Variants in KBTBD3 observed in about 807,000 individuals in gnomAD.
The protein encoded by KBTBD3 is kelch repeat and BTB domain-containing protein 3.
KBTBD3 carries 38 observed loss-of-function variants against 49.6 expected under a neutral mutation model. That is an observed-to-expected ratio of 0.77 (90% CI 0.59 to 1.00). The LOEUF (loss-of-function observed/expected upper bound fraction) is 1.00, where lower values mean the gene tolerates loss of function less well. Among genes scored for constraint, KBTBD3 ranks in the 50% least tolerant of loss-of-function variants. The pLI, the probability that KBTBD3 is intolerant of heterozygous loss-of-function variation, is 0.00. For missense variants in KBTBD3, 661 were observed against 712.0 expected (o/e 0.93, Z 0.81); for synonymous variants, 214 against 250.4 (o/e 0.85, Z 1.37).
intron 3 of KBTBD3, among the ~76,000 whole-genome samples, chr11:106,055,535 A>G (rs949414807): frequency 6.6e-5 from 10 of 152,210 alleles, no homozygotes; most frequent in Admixed American, 1.3e-4. Flanking sequence ...CAATAGAAAT[A>G]TTAACCTGTG....
At chr11:106,068,043 G>A (rs576160152) in intron 2 of KBTBD3, among the ~76,000 whole-genome samples, 5 of 150,836 alleles carry the variant, frequency 3.3e-5, no homozygotes, top group Admixed American at 6.6e-5. Context: ...ATCCACCACC[G>A]AGAAGACTAG....
At chr11:106,059,142 A>C (rs1860628450) in intron 2 of KBTBD3, 33 bp from the exon 3 acceptor site, 2 of 1,258,370 alleles carry the variant, frequency 1.6e-6, no homozygotes, top group East Asian at 5.4e-5. Flanking sequence ...GATGTAGTAG[A>C]GACCTAATGC....
At chr11:106,061,886 T>A (rs1205520664) in intron 2 of KBTBD3, among the ~76,000 whole-genome samples, 1 of 151,790 alleles carries the variant, frequency 6.6e-6, no homozygotes, top group Non-Finnish European at 1.5e-5. Flanking sequence ...TATATATATA[T>A]CCCTTTAGTT....
chr11:106,058,919 T>A lies in KBTBD3; in HGVS notation c.179A>T (p.Asp60Val). ...ACAACGATGACACGGGATTATTTCA[T>A]CTTTCATAATTATTTTGAAATCATA... ...VFYDFKIIMK[D>V]EIIPCHRCVL... The change falls in exon 3 of 4, where the codon GAT (aspartate) becomes GTT (valine). Residue 60 changes from aspartate to valine, a missense_variant. Asp to Val is a radical substitution (Grantham distance 152, BLOSUM62 -3). Coordinates refer to ENST00000531837, the MANE Select transcript of KBTBD3 (RefSeq NM_198439.3). The A allele has an allele frequency of 1.9e-6, 3 of 1,577,210 alleles. No homozygotes were observed. The highest frequency in any genetic ancestry group is 1.7e-6 in the Non-Finnish European group (2 of 1,168,826).
chr11:106,066,381 T>C lies in KBTBD3; in HGVS notation c.-12-7272A>G, dbSNP rs572475294. Reference sequence around the variant, plus strand: ...CAACACTCATAATAATCCTTTAAGATTGGTATTAATAATTACTTTTTCAAA... The same window carrying C: ...CAACACTCATAATAATCCTTTAAGACTGGTATTAATAATTACTTTTTCAAA... On this transcript the variant is annotated intron_variant, in intron 2 of 3. Coordinates refer to ENST00000531837, the MANE Select transcript of KBTBD3 (RefSeq NM_198439.3). Among the ~76,000 whole-genome samples, 4 of 152,326 alleles carry C rather than the reference T, an allele frequency of 2.6e-5. No homozygotes were observed. In the South Asian group the frequency reaches 6.2e-4, roughly 24 times the overall value.
intron 3 of KBTBD3, chr11:106,058,069 G>A (rs747585989): frequency 5.5e-5 from 22 of 398,180 alleles, no homozygotes; most frequent in Middle Eastern, 1.2e-3. Flanking sequence ...GTTAAAAAAA[G>A]GTAGTCTTAA....
At chr11:106,072,394 G>C (rs1218715884) in intron 2 of KBTBD3, among the ~76,000 whole-genome samples, 1 of 152,104 alleles carries the variant, frequency 6.6e-6, no homozygotes, top group East Asian at 1.9e-4. Context: ...CTTTGCATGA[G>C]TAGAAAAAAT....
chr11:106,060,245 C>A (rs1458558617), intron 2 of KBTBD3, among the ~76,000 whole-genome samples: 3 of 151,446 alleles, frequency 2.0e-5, no homozygotes, highest in Non-Finnish European at 4.4e-5. Context: ...ATTTAATACA[C>A]ATATTCATAT....
chr11:106,053,933 C>G lies in KBTBD3; in HGVS notation c.756G>C (p.Gln252His). ...RLHQLSEETL[Q>H]DCLFNEESLL... The stretch of plus-strand genomic sequence containing the variant: ...AACTCTCTTCATTGAACAGACAGTC[C>G]TGAAGTGTCTCCTCAGATAACTGAT... The change falls in exon 4 of 4, where the codon CAG becomes CAC. Residue 252 changes from glutamine to histidine, a missense_variant. Transcript: ENST00000531837. 6.2e-7 allele frequency: 1 copy of G among 1,613,940 alleles called. No individual in the cohort carries two copies. Among genetic ancestry groups the G allele is most frequent in the Non-Finnish European group, 8.5e-7 (1 of 1,179,924 alleles).
chr11:106,066,640 C>T (rs1860814322), intron 2 of KBTBD3, among the ~76,000 whole-genome samples: 1 of 151,332 alleles, frequency 6.6e-6, no homozygotes, highest in Non-Finnish European at 1.5e-5. Context: ...GGATGACATA[C>T]ATGATAATAC....
intron 2 of KBTBD3, among the ~76,000 whole-genome samples, chr11:106,070,017 C>G (rs2135020829): frequency 6.6e-6 from 1 of 152,098 alleles, no homozygotes; most frequent in Non-Finnish European, 1.5e-5. Context: ...GAAAAAGAAT[C>G]TTTTTTAACA....
intron 3 of KBTBD3, among the ~76,000 whole-genome samples, chr11:106,058,395 T>A (rs1668563652): frequency 6.9e-6 from 1 of 143,960 alleles, no homozygotes; most frequent in African/African-American, 2.7e-5. Context: ...AAAAAAAAAA[T>A]CATTAGTTAA....
intron 3 of KBTBD3, among the ~76,000 whole-genome samples, chr11:106,054,871 T>C (rs1287173267): frequency 6.6e-6 from 1 of 152,084 alleles, no homozygotes; most frequent in Non-Finnish European, 1.5e-5. Flanking sequence ...TTTAAAAGTG[T>C]CTTTCAAATT....
intron 2 of KBTBD3, among the ~76,000 whole-genome samples, chr11:106,072,304 G>A (rs1860933766): frequency 6.6e-6 from 1 of 152,262 alleles, no homozygotes; most frequent in Admixed American, 6.5e-5. Flanking sequence ...TTTTAGGAAT[G>A]CCTCAGCCAA....
intron 2 of KBTBD3, among the ~76,000 whole-genome samples, chr11:106,064,919 A>T (rs1364086626): frequency 6.6e-6 from 1 of 152,200 alleles, no homozygotes; most frequent in Non-Finnish European, 1.5e-5. Flanking sequence ...CTCTAATGTG[A>T]TAGAAGAAGT....
At position 106,052,818 on chromosome 11, in the gene KBTBD3, AG is replaced by A. The variant is rs750154200; in HGVS notation, c.*31del. 3.5e-5 allele frequency: 54 copies of A among 1,544,654 alleles called. 2 individuals are homozygous for A. In the South Asian group the frequency reaches 6.2e-4, roughly 18 times the overall value. On this transcript the variant is annotated 3_prime_UTR_variant, in exon 4 of 4. Transcript: ENST00000531837. ...TCATTTTGGTTAACAAATTTACTTT[AG>A]GTTACTAGAACTGGACTCGTTTTAG...
chr11:106,067,032 C>G (rs1860822376), intron 2 of KBTBD3, among the ~76,000 whole-genome samples: 1 of 152,090 alleles, frequency 6.6e-6, no homozygotes, highest in African/African-American at 2.4e-5. Context: ...AAAGCTGCAA[C>G]CCTGATACAC....
At chr11:106,057,638 G>C (rs1378406902) in intron 3 of KBTBD3, 1 of 157,572 alleles carries the variant, frequency 6.3e-6, no homozygotes, top group African/African-American at 2.4e-5. Flanking sequence ...GTTATGAATA[G>C]GACATTCTCT....
intron 2 of KBTBD3, among the ~76,000 whole-genome samples, chr11:106,059,763 A>T (rs989016795): frequency 1.3e-5 from 2 of 152,248 alleles, no homozygotes; most frequent in African/African-American, 4.8e-5. Flanking sequence ...ATAGGTAAAG[A>T]TCAGATAATT....
Sources: allele counts gnomAD v4.1 joint callset (sites outside exome capture counted in the v4.1 genomes callset), GRCh38; gene constraint gnomAD v4.1.1; transcripts MANE v1.5; gene names NCBI Gene and HGNC (gene_info 2026-07-23, HGNC 2026-07-21).